The following THSD4 variants were observed in gnomAD, a reference collection of about 807,000 sequenced individuals.
The protein encoded by THSD4 is thrombospondin type-1 domain-containing protein 4.
THSD4 carries 69 observed loss-of-function variants against 119.0 expected under a neutral mutation model. The ratio of observed to expected loss-of-function variants is 0.58; its 90% confidence interval spans 0.48 to 0.71. The LOEUF (loss-of-function observed/expected upper bound fraction) is 0.71. Ranked by LOEUF, THSD4 falls within the 30% of genes least tolerant of loss-of-function variation. THSD4 has a pLI of 0.00. For missense variants in THSD4, 1,393 were observed against 1,391.1 expected, an observed-to-expected ratio of 1.00 and a Z score of -0.02; for synonymous variants, 524 against 540.4, an observed-to-expected ratio of 0.97 and a Z score of 0.42.
At chr15:71,605,056 G>C (rs1349181327) in intron 7 of THSD4, among the ~76,000 whole-genome samples, 2 of 151,890 alleles carry the variant, frequency 1.3e-5, no homozygotes, top group Non-Finnish European at 2.9e-5. Flanking sequence ...AAACAAAGGG[G>C]AGAACATTCC....
chr15:71,462,614 C>G (rs535759459), intron 7 of THSD4, among the ~76,000 whole-genome samples: 1 of 152,350 alleles, frequency 6.6e-6, no homozygotes, highest in Non-Finnish European at 1.5e-5. Flanking sequence ...CAAGTTGTAT[C>G]TCTGCATATC....
chr15:71,748,710 A>G lies in THSD4; in HGVS notation c.2415+116A>G, dbSNP rs961221476. 367 of 1,214,490 alleles carry G rather than the reference A, an allele frequency of 3.0e-4. 1 individual carries two copies. The highest frequency in any genetic ancestry group is 1.6e-3 in the South Asian group (102 of 63,734). 75.2% of individuals were successfully genotyped at this position (1,214,490 alleles called of 1,614,324 possible). ...AAGACTGATTTCTGGCTCTGGGGGGAAAAAAAAGGCCCAGAGAGGAATTAT... is the reference window on the plus strand; with the variant it reads ...AAGACTGATTTCTGGCTCTGGGGGGGAAAAAAAGGCCCAGAGAGGAATTAT... On this transcript the variant is annotated intron_variant, in intron 14 of 17. Coordinates refer to ENST00000261862, the MANE Select transcript of THSD4 (RefSeq NM_024817.3).
chr15:71,579,777 G>A, intron 7 of THSD4, among the ~76,000 whole-genome samples: 1 of 152,144 alleles, frequency 6.6e-6, no homozygotes, highest in East Asian at 1.9e-4. Context: ...AGAGACACCT[G>A]TTTATAAGTA....
At position 71,547,419 on chromosome 15, in the gene THSD4, A is replaced by G. The variant is rs557664819; in HGVS notation, c.1153-113111A>G. On this transcript the variant is annotated intron_variant, in intron 7 of 17. Coordinates refer to ENST00000261862, the MANE Select transcript of THSD4 (RefSeq NM_024817.3). ...CTAACTTTGGGTAATAATGTTTGTC[A>G]GCTACCTGATATTAACATTGCTCCA... 84 of 1,550,438 alleles carry G rather than the reference A, an allele frequency of 5.4e-5. 2 individuals carry two copies. In the Admixed American group the frequency reaches 1.0e-3, roughly 19 times the overall value.
intron 7 of THSD4, among the ~76,000 whole-genome samples, chr15:71,521,959 G>A (rs1161709989): frequency 6.6e-6 from 1 of 152,226 alleles, no homozygotes; most frequent in Non-Finnish European, 1.5e-5. Context: ...TGTGTGGTGA[G>A]CCAGTCTGTG....
intron 3 of THSD4, among the ~76,000 whole-genome samples, chr15:71,198,337 G>A (rs1351642439): frequency 6.6e-6 from 1 of 152,152 alleles, no homozygotes; most frequent in Non-Finnish European, 1.5e-5. Flanking sequence ...AGCCAACAAG[G>A]TTGTGGTTCC....
chr15:71,386,457 A>G (rs2046294488), intron 6 of THSD4, among the ~76,000 whole-genome samples: 1 of 152,206 alleles, frequency 6.6e-6, no homozygotes, highest in African/African-American at 2.4e-5. Context: ...GGTGCTGCAA[A>G]TACCATGACA....
chr15:71,330,238 G>A (rs1300575883), intron 6 of THSD4, among the ~76,000 whole-genome samples: 1 of 152,098 alleles, frequency 6.6e-6, no homozygotes, highest in African/African-American at 2.4e-5. Context: ...CTTTCAATCT[G>A]AGCTCCCCCA....
intron 7 of THSD4, among the ~76,000 whole-genome samples, chr15:71,633,782 G>T (rs990699044): frequency 1.3e-5 from 2 of 152,206 alleles, no homozygotes; most frequent in Non-Finnish European, 2.9e-5. Flanking sequence ...AATGGATATG[G>T]GCATGGGATT....
At chr15:71,112,249 G>A, upstream of THSD4, 1 of 1,603,172 alleles carries the variant, frequency 6.2e-7, no homozygotes, top group South Asian at 1.1e-5. Context: ...AGGTGGGGTG[G>A]TGACAGTCTT....
At chr15:71,587,654 G>C (rs1833618896) in intron 7 of THSD4, among the ~76,000 whole-genome samples, 2 of 134,722 alleles carry the variant, frequency 1.5e-5, no homozygotes, top group African/African-American at 5.2e-5. Flanking sequence ...GGATAGCATT[G>C]GGAGATATAC....
At chr15:71,313,430 T>C (rs554370473) in intron 6 of THSD4, among the ~76,000 whole-genome samples, 2 of 152,168 alleles carry the variant, frequency 1.3e-5, no homozygotes, top group South Asian at 2.1e-4. Context: ...TCTGGTACTT[T>C]TGTATTTTAT....
At chr15:71,481,254 GT>G (rs1363745300) in intron 7 of THSD4, among the ~76,000 whole-genome samples, 3 of 152,176 alleles carry the variant, frequency 2.0e-5, no homozygotes, top group African/African-American at 7.2e-5. Context: ...GTAATCTGAT[GT>G]TTTTGGAATA....
At chr15:71,272,199 G>C (rs376511411) in intron 6 of THSD4, among the ~76,000 whole-genome samples, 2 of 151,504 alleles carry the variant, frequency 1.3e-5, no homozygotes, top group African/African-American at 2.4e-5. Flanking sequence ...TCAGGAATTC[G>C]AGACCAGCCT....
intron 7 of THSD4, among the ~76,000 whole-genome samples, chr15:71,446,485 C>T (rs1254646181): frequency 1.3e-5 from 2 of 152,162 alleles, no homozygotes; most frequent in African/African-American, 4.8e-5. Context: ...GTCTTGAATA[C>T]CTCTAGTTTT....
chr15:71,425,582 G>A (rs1299267110), intron 7 of THSD4, among the ~76,000 whole-genome samples: 1 of 152,116 alleles, frequency 6.6e-6, no homozygotes, highest in Non-Finnish European at 1.5e-5. Context: ...AGATGGGAAT[G>A]TGTCAGTCCC....
At chr15:71,623,926 GAAA>G (rs11450708) in intron 7 of THSD4, among the ~76,000 whole-genome samples, 2,979 of 136,466 alleles carry the variant, frequency 0.022, 130 homozygotes, top group African/African-American at 0.076. Flanking sequence ...TCCCTCTCAA[GAAA>G]AAAAAAAAAA....
At position 71,737,717 on chromosome 15, in the gene THSD4, G is replaced by A. The variant is rs760737955; in HGVS notation, c.1631-15G>A. On this transcript the variant is annotated splice_polypyrimidine_tract_variant and intron_variant, in intron 10 of 17. Coordinates refer to ENST00000261862, the MANE Select transcript of THSD4 (RefSeq NM_024817.3). The stretch of plus-strand genomic sequence containing the variant: ...ACTGATCCTGATTCTGTGTGTGCAC[G>A]CTCACCTCTCCTAGGGGAACCCTTC... The A allele has an allele frequency of 1.6e-5, 26 of 1,589,892 alleles. No homozygotes were observed. The highest frequency in any genetic ancestry group is 3.5e-5 in the South Asian group (3 of 86,576).
intron 7 of THSD4, among the ~76,000 whole-genome samples, chr15:71,611,428 C>T (rs1469656347): frequency 6.6e-6 from 1 of 152,196 alleles, no homozygotes; most frequent in African/African-American, 2.4e-5. Flanking sequence ...CCAGCCCCTA[C>T]CCCGGCAAAA....
Sources: allele counts gnomAD v4.1 joint callset (sites outside exome capture counted in the v4.1 genomes callset), GRCh38; gene constraint gnomAD v4.1.1; transcripts MANE v1.5; gene names NCBI Gene and HGNC (gene_info 2026-07-23, HGNC 2026-07-21).